Variants in RABGAP1 observed in about 807,000 individuals in gnomAD.
RABGAP1 encodes RAB GTPase activating protein 1, also known as rab GTPase-activating protein 1.
A neutral mutation model predicts 137.6 loss-of-function variants in RABGAP1; 23 were observed. The ratio of observed to expected loss-of-function variants is 0.17; its 90% CI spans 0.12 to 0.24. The LOEUF is 0.24. Ranked by LOEUF, RABGAP1 falls within the 10% of genes least tolerant of loss-of-function variation. The pLI is 1.00. For synonymous variants in RABGAP1, 451 were observed against 450.7 expected (o/e 1.00, Z -0.01); for missense variants, 906 against 1,275.8 (o/e 0.71, Z 4.42).
intron 13 of RABGAP1, 41 bp downstream of exon 13, chr9:123,020,500 G>C: frequency 7.0e-7 from 1 of 1,438,012 alleles, no homozygotes; most frequent in East Asian, 2.5e-5. Context: ...AATCCTTTTA[G>C]AGATTTGTGA....
intron 13 of RABGAP1, among the ~76,000 whole-genome samples, chr9:123,044,450 G>A (rs2033107653): frequency 1.3e-5 from 2 of 152,204 alleles, no homozygotes; most frequent in South Asian, 4.1e-4. Context: ...TGGGAATGGA[G>A]TTTTGGGTCT....
chr9:123,068,678 CCTT>C (rs375053986), intron 14 of RABGAP1, among the ~76,000 whole-genome samples: 6 of 87,044 alleles, frequency 6.9e-5, no homozygotes, highest in African/African-American at 2.5e-4. Context: ...CATCCTGTAG[CCTT>C]CTTATCAGAT....
At chr9:122,954,327 G>T (rs1834402017) in intron 1 of RABGAP1, among the ~76,000 whole-genome samples, 1 of 152,142 alleles carries the variant, frequency 6.6e-6, no homozygotes, top group Non-Finnish European at 1.5e-5. Flanking sequence ...CCAGAGAAAA[G>T]GAATCTTATT....
At chr9:122,965,201 CATT>C (rs1448893748) in intron 2 of RABGAP1, among the ~76,000 whole-genome samples, 1 of 152,008 alleles carries the variant, frequency 6.6e-6, no homozygotes, top group African/African-American at 2.4e-5. Context: ...ACCTTAAGAA[CATT>C]ATGCTGAATG....
chr9:122,999,248 A>G (rs992496255), intron 10 of RABGAP1, among the ~76,000 whole-genome samples: 30 of 152,020 alleles, frequency 2.0e-4, no homozygotes, highest in African/African-American at 6.8e-4. Flanking sequence ...CAGTGGCGCA[A>G]TCTTGGCTCA....
intron 9 of RABGAP1, 105 bp downstream of exon 9, chr9:122,997,466 A>G (rs1056529439): frequency 4.4e-6 from 3 of 675,608 alleles, no homozygotes; most frequent in Non-Finnish European, 6.8e-6. Context: ...CCTAATTTTG[A>G]TGAAACCGAA....
chr9:123,076,697 C>T lies in RABGAP1; in HGVS notation c.2359C>T (p.Leu787Phe). 1 of 1,609,554 alleles carries T rather than the reference C, an allele frequency of 6.2e-7. No homozygotes were observed. Among genetic ancestry groups the T allele is most frequent in the Non-Finnish European group, 8.5e-7 (1 of 1,177,790 alleles). ...TGCCTTGAAGTTCTTTAGGGTTCAGCTTCCTAAGAGATACCGCTCAGAAGA... is the reference window on the plus strand; with the variant it reads ...TGCCTTGAAGTTCTTTAGGGTTCAGTTTCCTAAGAGATACCGCTCAGAAGA... Reference protein sequence around the residue: ...EGALKFFRVQLPKRYRSEENA... With the variant: ...EGALKFFRVQFPKRYRSEENA... The change falls in exon 19 of 26, where the codon CTT becomes TTT. Residue 787 changes from leucine to phenylalanine, a missense_variant. Leu to Phe is a conservative substitution (Grantham distance 22). Around this residue, in one of 9 missense-constraint regions of RABGAP1, gnomAD observed 77 missense variants for 105.6 expected, o/e 0.73. Transcript: ENST00000373647.
intron 13 of RABGAP1, among the ~76,000 whole-genome samples, chr9:123,025,637 G>A (rs565414505): frequency 7.4e-6 from 1 of 135,848 alleles, no homozygotes; most frequent in East Asian, 2.1e-4. Flanking sequence ...AATTAACTTA[G>A]CATGTTCACA....
chr9:122,990,004 G>A (rs1836585929), intron 5 of RABGAP1, 52 bp from the exon 6 acceptor site: 8 of 1,462,072 alleles, frequency 5.5e-6, no homozygotes, highest in African/African-American at 2.9e-5. Context: ...CCTTAATAAA[G>A]GTATTTTATA....
intron 11 of RABGAP1, among the ~76,000 whole-genome samples, chr9:123,012,181 G>A (rs978847957): frequency 6.6e-6 from 1 of 152,186 alleles, no homozygotes; most frequent in Non-Finnish European, 1.5e-5. Flanking sequence ...GCAATTCAGA[G>A]TCCCCCTGGA....
Position 123,029,553 on chromosome 9 carries a change from T to C in RABGAP1, c.1794+9094T>C, listed in dbSNP as rs989048306. Reference sequence around the variant, plus strand: ...CTCTTAGAGACCACAACTGGAGTTATAAGTTTATAGTTGGGAACTTCCTTA... The same window carrying C: ...CTCTTAGAGACCACAACTGGAGTTACAAGTTTATAGTTGGGAACTTCCTTA... On this transcript the variant is annotated intron_variant, in intron 13 of 25. Coordinates refer to ENST00000373647, the MANE Select transcript of RABGAP1 (RefSeq NM_012197.4). 3.0e-4 allele frequency: 234 copies of C among 769,480 alleles called. 1 individual carries two copies. The highest frequency in any genetic ancestry group is 5.1e-4 in the Middle Eastern group (2 of 3,902). 47.7% of individuals were successfully genotyped at this position (769,480 alleles called of 1,614,324 possible).
At position 123,093,757 on chromosome 9, in the gene RABGAP1, T is replaced by C. The variant is rs534422945; in HGVS notation, c.2628+3372T>C. ...ATCAGTTCATGTGAGTTCTCTGACTTTGTTGTTCTTTGCATTTCTGTATCA... is the reference window on the plus strand; with the variant it reads ...ATCAGTTCATGTGAGTTCTCTGACTCTGTTGTTCTTTGCATTTCTGTATCA... On this transcript the variant is annotated intron_variant, in intron 21 of 25. Coordinates refer to ENST00000373647, the MANE Select transcript of RABGAP1 (RefSeq NM_012197.4). 3.0e-4 allele frequency among the ~76,000 whole-genome samples: 45 copies of C among 152,376 alleles called. 2 individuals carry two copies. In the South Asian group the frequency reaches 8.7e-3, roughly 29 times the overall value.
At chr9:123,037,105 G>A (rs747296381) in intron 13 of RABGAP1, among the ~76,000 whole-genome samples, 11 of 152,090 alleles carry the variant, frequency 7.2e-5, no homozygotes, top group Non-Finnish European at 1.5e-4. Flanking sequence ...ATCTGAATGC[G>A]ACAGTGGTGT....
At chr9:123,041,229 T>G (rs995644405) in intron 13 of RABGAP1, among the ~76,000 whole-genome samples, 13 of 152,230 alleles carry the variant, frequency 8.5e-5, no homozygotes, top group African/African-American at 3.1e-4. Flanking sequence ...AAACAGATTT[T>G]GAGGTGCCAG....
intron 4 of RABGAP1, among the ~76,000 whole-genome samples, chr9:122,988,738 G>A (rs909902153): frequency 1.3e-5 from 2 of 151,732 alleles, no homozygotes; most frequent in South Asian, 2.1e-4. Flanking sequence ...ACCTGAGGTC[G>A]GAAGATTGAG....
chr9:122,954,870 C>T (rs1416075447), intron 1 of RABGAP1, among the ~76,000 whole-genome samples: 1 of 152,150 alleles, frequency 6.6e-6, no homozygotes, highest in African/African-American at 2.4e-5. Context: ...GAACAAGTTA[C>T]ACCATCTCTC....
intron 24 of RABGAP1, among the ~76,000 whole-genome samples, 199 bp downstream of exon 24, chr9:123,099,748 C>T (rs1391438128): frequency 6.6e-6 from 1 of 152,178 alleles, no homozygotes; most frequent in African/African-American, 2.4e-5. Context: ...TGAAATCAAA[C>T]AAGCTCTAGC....
intron 11 of RABGAP1, among the ~76,000 whole-genome samples, chr9:123,013,086 A>G (rs367856788): frequency 1.4e-4 from 21 of 152,274 alleles, no homozygotes; most frequent in Non-Finnish European, 1.9e-4. Context: ...TTAAACTACT[A>G]CTACCCAGAT....
chr9:122,989,590 T>C, intron 5 of RABGAP1, 119 bp downstream of exon 5: 1 of 1,165,368 alleles, frequency 8.6e-7, no homozygotes, highest in East Asian at 2.5e-5. Context: ...TCTGCTATTG[T>C]TTTAGTGATT....
Sources: allele counts gnomAD v4.1 joint callset (sites outside exome capture counted in the v4.1 genomes callset), GRCh38; gene constraint gnomAD v4.1.1; regional missense constraint gnomAD v4.1.1; transcripts MANE v1.5; gene names NCBI Gene and HGNC (gene_info 2026-07-23, HGNC 2026-07-21).